Variants in RNASEH1 observed in about 807,000 individuals in gnomAD.
RNASEH1 encodes ribonuclease H1.
Under a neutral mutation model 34.6 loss-of-function variants are expected in RNASEH1, and 27 were observed. That is an observed-to-expected ratio of 0.78 (90% CI 0.58 to 1.08). The LOEUF is 1.08. Among genes scored for constraint, RNASEH1 ranks in the 50% least tolerant of loss-of-function variants. The pLI, the probability that RNASEH1 is intolerant of heterozygous loss-of-function variation, is 0.00. For missense variants in RNASEH1, 349 were observed against 373.6 expected, an observed-to-expected ratio of 0.93 and a Z score of 0.54; for synonymous variants, 162 against 138.4, an observed-to-expected ratio of 1.17 and a Z score of -1.20.
chr2:3,539,044 G>GT (rs1029051372), downstream of RNASEH1, among the ~76,000 whole-genome samples: 58 of 151,908 alleles, frequency 3.8e-4, no homozygotes, highest in Non-Finnish European at 7.4e-4. Context: ...TGAGTTGTTA[G>GT]TTTTTTTTCA....
At position 3,550,622 on chromosome 2, in the gene RNASEH1, T is replaced by C. The variant is rs141593562; in HGVS notation, c.410-150A>G. On this transcript the variant is annotated intron_variant, in intron 3 of 7. Transcript: ENST00000315212. ...TTCTCTCTAGGAAAACATGCTCCAT[T>C]CCTTACAAGGGGGCACCTAACATTT... 198 of 650,408 alleles carry C rather than the reference T, an allele frequency of 3.0e-4. 1 individual carries two copies. In the East Asian group the frequency reaches 4.9e-3, roughly 16 times the overall value. The allele number at this position is 650,408 out of a possible 1,614,324, so 40.3% of individuals were successfully genotyped here.
rs563677974 is a variant in RNASEH1 at position 3,547,574 on chromosome 2, G to A, written c.774+357C>T. On this transcript the variant is annotated intron_variant, in intron 7 of 7. Coordinates refer to ENST00000315212, the MANE Select transcript of RNASEH1 (RefSeq NM_002936.6). ...GCGATCTCAGCTCACTGCAACTTCC[G>A]CCTCCTGGGTTCAAGTGATTCTCCT... 6.6e-5 allele frequency among the ~76,000 whole-genome samples: 10 copies of A among 151,086 alleles called. No homozygotes were observed. In the South Asian group the frequency reaches 1.5e-3, roughly 22 times the overall value.
Position 3,552,322 on chromosome 2 carries a change from G to A in RNASEH1, c.245-14C>T, listed in dbSNP as rs1660019307. 1.2e-6 allele frequency: 2 copies of A among 1,610,662 alleles called. No individual in the cohort carries two copies. Among genetic ancestry groups the A allele is most frequent in the Non-Finnish European group, 1.7e-6 (2 of 1,178,848 alleles). On this transcript the variant is annotated splice_polypyrimidine_tract_variant and intron_variant, in intron 2 of 7. Coordinates refer to ENST00000315212, the MANE Select transcript of RNASEH1 (RefSeq NM_002936.6). ...GATTTTCATGCCCTGAAAGACAAGA[G>A]TCCACTCGTGAGCTGGAAACAATGA...
intron 5 of RNASEH1, 26 bp downstream of exon 5, chr2:3,549,032 A>C (rs1233451176): frequency 1.9e-6 from 3 of 1,584,404 alleles, no homozygotes; most frequent in African/African-American, 2.7e-5. Context: ...CAAAAAAGAG[A>C]GGCTTAAACG....
At chr2:3,557,561 T>G in intron 1 of RNASEH1, 1 of 273,036 alleles carries the variant, frequency 3.7e-6, no homozygotes, top group Non-Finnish European at 7.3e-6. Context: ...GTGGGAAGAG[T>G]TCTGGTGGTA....
rs200120606 is a variant in RNASEH1 at position 3,550,497 on chromosome 2, G to A, written c.410-25C>T. 36 of 1,570,776 alleles carry A rather than the reference G, an allele frequency of 2.3e-5. No homozygotes were observed. The East Asian group carries it at 6.0e-4, about 26-fold the overall frequency. ...CCTGTGGGAAAAGGAAGTACATGCTGCTGGGCTGACCTTACTAAAAACTGA... is the reference window on the plus strand; with the variant it reads ...CCTGTGGGAAAAGGAAGTACATGCTACTGGGCTGACCTTACTAAAAACTGA... On this transcript the variant is annotated intron_variant, in intron 3 of 7. Coordinates refer to ENST00000315212, the MANE Select transcript of RNASEH1 (RefSeq NM_002936.6).
chr2:3,556,566 C>A (rs1254511188), intron 2 of RNASEH1, among the ~76,000 whole-genome samples: 3 of 152,138 alleles, frequency 2.0e-5, no homozygotes, highest in Non-Finnish European at 4.4e-5. Context: ...GCATAAAAGG[C>A]TGAATGGAAC....
intron 7 of RNASEH1, among the ~76,000 whole-genome samples, chr2:3,547,393 C>T (rs1403226717): frequency 6.6e-6 from 1 of 151,992 alleles, no homozygotes; most frequent in African/African-American, 2.4e-5. Context: ...CCAGGCTGGT[C>T]TCGAACTTCT....
rs1668587751 is a variant in RNASEH1 at position 3,544,790 on chromosome 2, T to A, written c.*995A>T. 6.6e-6 allele frequency: 1 copy of A among 152,146 alleles called. No individual in the cohort carries two copies. Among genetic ancestry groups the A allele is most frequent in the African/African-American group, 2.4e-5 (1 of 41,434 alleles). The allele number at this position is 152,146 out of a possible 1,614,324, so 9.4% of individuals were successfully genotyped here. ...CAAACTTTTACTACTTTTTTTTTTT[T>A]TTGAGACAGAGTCTCACTCTGTTGC... On this transcript the variant is annotated 3_prime_UTR_variant, in exon 8 of 8. Coordinates refer to ENST00000315212, the MANE Select transcript of RNASEH1 (RefSeq NM_002936.6).
In RNASEH1 at chr2:3,546,321, T is replaced by C. The variant is rs942878188; in HGVS notation, c.775-450A>G. On this transcript the variant is annotated intron_variant, in intron 7 of 7. Coordinates refer to ENST00000315212, the MANE Select transcript of RNASEH1 (RefSeq NM_002936.6). ...CAGGCTACCAAACTATTATCAGTGG[T>C]TCCAGGAAGGCAGAACAAGGCAGGG... Among the ~76,000 whole-genome samples, 3 of 152,252 alleles carry C rather than the reference T, an allele frequency of 2.0e-5. No homozygotes were observed. The East Asian group carries it at 5.8e-4, about 29-fold the overall frequency.
intron 2 of RNASEH1, among the ~76,000 whole-genome samples, chr2:3,553,804 A>C (rs1004812050): frequency 6.6e-6 from 1 of 152,200 alleles, no homozygotes; most frequent in Non-Finnish European, 1.5e-5. Context: ...GGACTCAAAA[A>C]ACCAGTTTCA....
intron 7 of RNASEH1, among the ~76,000 whole-genome samples, chr2:3,547,170 T>C (rs1229577823): frequency 2.6e-5 from 4 of 152,160 alleles, no homozygotes; most frequent in Admixed American, 2.6e-4. Flanking sequence ...AATTTGTGTA[T>C]GTGGGTGGGT....
In RNASEH1 at chr2:3,543,483, T is replaced by A. The variant is rs1440974781; in HGVS notation, c.*2302A>T. 1.3e-5 allele frequency among the ~76,000 whole-genome samples: 2 copies of A among 152,114 alleles called. No homozygotes were observed. The highest frequency in any genetic ancestry group is 4.8e-5 in the African/African-American group (2 of 41,390). On this transcript the variant is annotated 3_prime_UTR_variant, in exon 8 of 8. Transcript: ENST00000315212. Reference sequence around the variant, plus strand: ...CTGTGCACACATGTATGCACACATGTGCACACTTATCAAAAGAAAGCAAGA... The same window carrying A: ...CTGTGCACACATGTATGCACACATGAGCACACTTATCAAAAGAAAGCAAGA...
In RNASEH1 at chr2:3,544,070, A is replaced by G. The variant is rs1004540591; in HGVS notation, c.*1715T>C. Among the ~76,000 whole-genome samples, 1 of 152,252 alleles carries G rather than the reference A, an allele frequency of 6.6e-6. No individual in the cohort carries two copies. Among genetic ancestry groups the G allele is most frequent in the Non-Finnish European group, 1.5e-5 (1 of 68,046 alleles). On this transcript the variant is annotated 3_prime_UTR_variant, in exon 8 of 8. Coordinates refer to ENST00000315212, the MANE Select transcript of RNASEH1 (RefSeq NM_002936.6). The stretch of plus-strand genomic sequence containing the variant: ...TGTACCACTGGGTAACCAGATAAGT[A>G]TAAAAAAGAAAACACTTTCTTAGAA...
rs1437425688 is a variant in RNASEH1, at chr2:3,544,625, T to C, written c.*1160A>G. On this transcript the variant is annotated 3_prime_UTR_variant, in exon 8 of 8. Coordinates refer to ENST00000315212, the MANE Select transcript of RNASEH1 (RefSeq NM_002936.6). ...GAGCCTCCTGGGGTATCTGGCAAAG[T>C]ACTATTTCTTCACCAGGTGGTGGAC... Among the ~76,000 whole-genome samples, 2 of 152,154 alleles carry C rather than the reference T, an allele frequency of 1.3e-5. No homozygotes were observed. The highest frequency in any genetic ancestry group is 2.9e-5 in the Non-Finnish European group (2 of 68,020).
At position 3,549,069 on chromosome 2, in the gene RNASEH1, C is replaced by T; in HGVS notation, c.553G>A (p.Ala185Thr). 6.2e-7 allele frequency: 1 copy of T among 1,613,580 alleles called. No individual in the cohort carries two copies. The highest frequency in any genetic ancestry group is 1.1e-5 in the South Asian group (1 of 91,060). The change falls in exon 5 of 8, where the codon GCG (alanine) becomes ACG (threonine). Residue 185 changes from alanine (A) to threonine (T), a missense_variant. Ala to Thr is a moderately conservative substitution (Grantham distance 58, BLOSUM62 0). Transcript: ENST00000315212. ...RLPGRQTNQR[A>T]EIHAACKAIE... ...ATCTGATAACTTACATGAATTTCCG[C>T]TCTTTGGTTTGTCTGCCGCCCAGGA...
chr2:3,552,770 C>T (rs1447581929), intron 2 of RNASEH1, among the ~76,000 whole-genome samples: 2 of 151,882 alleles, frequency 1.3e-5, no homozygotes, highest in African/African-American at 4.8e-5. Flanking sequence ...GGCTGACATA[C>T]GAGTATCGCT....
At position 3,552,231 on chromosome 2, in the gene RNASEH1, G is replaced by A. The variant is rs377344909; in HGVS notation, c.322C>T (p.His108Tyr). Reference sequence around the variant, plus strand: ...TTTGCATACGGCTCTGCGCTTTCATGTCCATCTCCATCCAGTGGCTCACGG... The same window carrying A: ...TTTGCATACGGCTCTGCGCTTTCATATCCATCTCCATCCAGTGGCTCACGG... ...RLREPLDGDG[H>Y]ESAEPYAKHM... The change falls in exon 3 of 8, where the codon CAT (histidine) becomes TAT (tyrosine). Residue 108 changes from histidine (H) to tyrosine (Y), a missense_variant. His to Tyr is a moderately conservative substitution (Grantham distance 83). Transcript: ENST00000315212. 1.2e-5 allele frequency: 19 copies of A among 1,613,802 alleles called. No individual in the cohort carries two copies. The highest frequency in any genetic ancestry group is 1.0e-5 in the Non-Finnish European group (12 of 1,180,004).
chr2:3,548,233 T>C (rs1430033442), intron 6 of RNASEH1, among the ~76,000 whole-genome samples, 178 bp from the exon 7 acceptor site: 1 of 152,220 alleles, frequency 6.6e-6, no homozygotes, highest in African/African-American at 2.4e-5. Context: ...TACCCTCCTC[T>C]CTTCCCTTTC....
Sources: gnomAD v4.1 joint callset for allele counts (sites outside exome capture counted in the v4.1 genomes callset) on GRCh38, gnomAD v4.1.1 for gene constraint, MANE v1.5 for transcripts, NCBI Gene and HGNC (gene_info 2026-07-23, HGNC 2026-07-21) for gene names.